The following MRPS23 variants were observed in gnomAD, a reference collection of about 807,000 sequenced individuals.
The protein encoded by MRPS23 is mitochondrial ribosomal protein S23.
Under a neutral mutation model 19.8 loss-of-function variants are expected in MRPS23, and 14 were observed. The observed-to-expected ratio is 0.71, with a 90% confidence interval of 0.47 to 1.11. The LOEUF (loss-of-function observed/expected upper bound fraction) is 1.11, where lower values mean the gene tolerates loss of function less well. Among genes scored for constraint, MRPS23 ranks in the 50% least tolerant of loss-of-function variants. The pLI is 0.00. For missense variants in MRPS23, 242 were observed against 236.7 expected (o/e 1.02, Z -0.15); for synonymous variants, 113 against 89.7 (o/e 1.26, Z -1.47).
chr17:57,844,044 A>G, intron 2 of MRPS23, among the ~76,000 whole-genome samples: 1 of 151,196 alleles, frequency 6.6e-6, no homozygotes, highest in Non-Finnish European at 1.5e-5. Flanking sequence ...TTCTTCCAGT[A>G]CTGTTATGAT....
rs572376274 is a variant in MRPS23 at position 57,844,848 on chromosome 17, C to A, written c.216-3588G>T. ...TATTCCACATTCTCCAATCATTTATCATCCAGTCCAAATCTACAGCAGAAG... is the reference window on the plus strand; with the variant it reads ...TATTCCACATTCTCCAATCATTTATAATCCAGTCCAAATCTACAGCAGAAG... On this transcript the variant is annotated intron_variant, in intron 2 of 4. Transcript: ENST00000313608. Among the ~76,000 whole-genome samples the A allele has an allele frequency of 5.9e-5, 9 of 151,350 alleles. No individual in the cohort carries two copies. In the South Asian group the frequency reaches 1.9e-3, roughly 31 times the overall value.
At position 57,849,353 on chromosome 17, in the gene MRPS23, T is replaced by C. The variant is rs1597955126; in HGVS notation, c.102A>G (p.Val34=). ...VLKEKPLWFD[V]YDAFPPLREP... ...CCCTCAGCGGGGGAAAGGCGTCATA[T>C]ACGTCAAACCACAGGGGCTTCTCCT... Residue 34 remains valine, a synonymous_variant, in exon 2 of 5, where the codon GTA becomes GTG. Coordinates refer to ENST00000313608, the MANE Select transcript of MRPS23 (RefSeq NM_016070.4). 3 of 1,614,204 alleles carry C rather than the reference T, an allele frequency of 1.9e-6. No individual in the cohort carries two copies. The highest frequency in any genetic ancestry group is 1.3e-5 in the African/African-American group (1 of 75,058).
rs1427742702 is a variant in MRPS23 at position 57,838,033 on chromosome 17, A to T, written c.*1750T>A. 2 of 151,962 alleles carry T rather than the reference A, an allele frequency of 1.3e-5. No individual in the cohort carries two copies. The highest frequency in any genetic ancestry group is 4.8e-5 in the African/African-American group (2 of 41,358). The allele number at this position is 151,962 out of a possible 1,614,324, so 9.4% of individuals were successfully genotyped here. ...GCCAGGCATGGTGGCTAACACCCGT[A>T]ATCCCAGCATTTTGGGAGGTTGAGA... On this transcript the variant is annotated 3_prime_UTR_variant, in exon 5 of 5. Transcript: ENST00000313608.
chr17:57,849,707 C>T (rs2073799619), intron 1 of MRPS23: 1 of 600,406 alleles, frequency 1.7e-6, no homozygotes, highest in Admixed American at 3.0e-5. Context: ...GCTCTTCCTC[C>T]CTTCCTCTTC....
In MRPS23 at chr17:57,838,162, CACCT is replaced by C. The variant is rs1190277876; in HGVS notation, c.*1617_*1620del. 1.3e-5 allele frequency: 2 copies of C among 151,126 alleles called. No individual in the cohort carries two copies. Among genetic ancestry groups the C allele is most frequent in the African/African-American group, 4.9e-5 (2 of 41,122 alleles). 9.4% of individuals were successfully genotyped at this position (151,126 alleles called of 1,614,324 possible). A position where few individuals can be genotyped will look rare whatever the true frequency, so the allele number is the denominator to read the frequency against. ...AAAATTAGCCGGGCGTCATAGCATA[CACCT>C]GTAATCCCAGCTACTTGGGAGGCTG... is the stretch of plus-strand genomic sequence containing the variant. On this transcript the variant is annotated 3_prime_UTR_variant, in exon 5 of 5. Transcript: ENST00000313608.
chr17:57,841,383 C>G (rs1157222632), intron 2 of MRPS23, 123 bp from the exon 3 acceptor site: 2 of 945,648 alleles, frequency 2.1e-6, no homozygotes, highest in Non-Finnish European at 1.6e-6. Flanking sequence ...CCCACATAGC[C>G]TAAGCTGAAC....
chr17:57,850,037 T>C lies in MRPS23; in HGVS notation c.-27A>G. ...ATCTGCGCCTGGTACCGAGCGTGACTAGCTGCTACCGGAACCGGAAGCGGC... is the reference window on the plus strand; with the variant it reads ...ATCTGCGCCTGGTACCGAGCGTGACCAGCTGCTACCGGAACCGGAAGCGGC... On this transcript the variant is annotated 5_prime_UTR_variant, in exon 1 of 5. Coordinates refer to ENST00000313608, the MANE Select transcript of MRPS23 (RefSeq NM_016070.4). 6 of 1,583,518 alleles carry C rather than the reference T, an allele frequency of 3.8e-6. No homozygotes were observed. Among genetic ancestry groups the C allele is most frequent in the Middle Eastern group, 1.7e-4 (1 of 6,034 alleles).
At position 57,838,055 on chromosome 17, in the gene MRPS23, G is replaced by A. The variant is rs1030973002; in HGVS notation, c.*1728C>T. On this transcript the variant is annotated 3_prime_UTR_variant, in exon 5 of 5. Coordinates refer to ENST00000313608, the MANE Select transcript of MRPS23 (RefSeq NM_016070.4). ...CGTAATCCCAGCATTTTGGGAGGTTGAGATGGGTGGATCACTTGAGGCCAG... is the reference window on the plus strand; with the variant it reads ...CGTAATCCCAGCATTTTGGGAGGTTAAGATGGGTGGATCACTTGAGGCCAG... The A allele has an allele frequency of 2.0e-5, 3 of 151,630 alleles. No homozygotes were observed. The highest frequency in any genetic ancestry group is 4.4e-5 in the Non-Finnish European group (3 of 67,960). 9.4% of individuals were successfully genotyped at this position (151,630 alleles called of 1,614,324 possible).
intron 2 of MRPS23, among the ~76,000 whole-genome samples, chr17:57,845,375 G>A (rs576020093): frequency 2.0e-5 from 3 of 152,266 alleles, no homozygotes; most frequent in South Asian, 2.1e-4. Context: ...CGGGGTGAAA[G>A]CCTGGGCCCC....
chr17:57,842,788 T>A (rs1555653236), intron 2 of MRPS23, among the ~76,000 whole-genome samples: 4 of 150,654 alleles, frequency 2.7e-5, no homozygotes. Flanking sequence ...CTTGGGAAGC[T>A]GAGGCATGAG....
Position 57,841,272 on chromosome 17 carries a change from A to C in MRPS23, c.216-12T>G, listed in dbSNP as rs1170328664. 6.2e-7 allele frequency: 1 copy of C among 1,609,592 alleles called. No individual in the cohort carries two copies. The highest frequency in any genetic ancestry group is 2.2e-5 in the East Asian group (1 of 44,864). On this transcript the variant is annotated splice_polypyrimidine_tract_variant and intron_variant, in intron 2 of 4. Coordinates refer to ENST00000313608, the MANE Select transcript of MRPS23 (RefSeq NM_016070.4). ...CTGAATAAAACTTCCTAGAAAATGC[A>C]AACAACATAATATAAATCTCCGATT... is the stretch of plus-strand genomic sequence containing the variant.
chr17:57,849,492 A>G, intron 1 of MRPS23, 82 bp from the exon 2 acceptor site: 4 of 1,509,058 alleles, frequency 2.7e-6, no homozygotes, highest in Non-Finnish European at 3.6e-6. Flanking sequence ...AGTTTGGGAC[A>G]TTAAAGGTAT....
intron 1 of MRPS23, 81 bp from the exon 2 acceptor site, chr17:57,849,491 C>T: frequency 6.6e-7 from 1 of 1,523,778 alleles, no homozygotes; most frequent in Non-Finnish European, 8.9e-7. Flanking sequence ...CAGTTTGGGA[C>T]ATTAAAGGTA....
rs1597950431 is a variant in MRPS23, at chr17:57,838,053, T to C, written c.*1730A>G. 7.0e-6 allele frequency: 1 copy of C among 142,522 alleles called. No homozygotes were observed. The highest frequency in any genetic ancestry group is 2.2e-4 in the South Asian group (1 of 4,530). The allele number at this position is 142,522 out of a possible 1,614,324, so 8.8% of individuals were successfully genotyped here. A position where few individuals can be genotyped will look rare whatever the true frequency, so the allele number is the denominator to read the frequency against. ...CCCGTAATCCCAGCATTTTGGGAGGTTGAGATGGGTGGATCACTTGAGGCC... is the reference window on the plus strand; with the variant it reads ...CCCGTAATCCCAGCATTTTGGGAGGCTGAGATGGGTGGATCACTTGAGGCC... On this transcript the variant is annotated 3_prime_UTR_variant, in exon 5 of 5. Coordinates refer to ENST00000313608, the MANE Select transcript of MRPS23 (RefSeq NM_016070.4).
intron 2 of MRPS23, 121 bp from the exon 3 acceptor site, chr17:57,841,381 G>T: frequency 1.0e-6 from 1 of 977,366 alleles, no homozygotes. Flanking sequence ...AACCCACATA[G>T]CCTAAGCTGA....
intron 2 of MRPS23, among the ~76,000 whole-genome samples, chr17:57,842,887 TATATACACACACACACACAC>T (rs1171888355): frequency 0.026 from 2,571 of 97,518 alleles, 51 homozygotes; most frequent in Middle Eastern, 0.084. Flanking sequence ...AAAATATATA[TATATACACACACACACACAC>T]ACACACACAC....
chr17:57,847,218 G>A (rs918876424), intron 2 of MRPS23, among the ~76,000 whole-genome samples: 2 of 151,606 alleles, frequency 1.3e-5, no homozygotes, highest in African/African-American at 4.8e-5. Context: ...GCTTGAACCC[G>A]GGAGGTGGAG....
chr17:57,846,619 A>C (rs1307944040), intron 2 of MRPS23, among the ~76,000 whole-genome samples: 2 of 152,180 alleles, frequency 1.3e-5, no homozygotes, highest in Non-Finnish European at 2.9e-5. Context: ...CCTTACCCCC[A>C]ACCCCCTGCT....
At chr17:57,843,073 A>T (rs1198485977) in intron 2 of MRPS23, among the ~76,000 whole-genome samples, 4 of 151,914 alleles carry the variant, frequency 2.6e-5, no homozygotes. Context: ...CCAGGAGTTC[A>T]AGACCAGCCT....
Sources: gnomAD v4.1 joint callset for allele counts (sites outside exome capture counted in the v4.1 genomes callset) on GRCh38, gnomAD v4.1.1 for gene constraint, MANE v1.5 for transcripts, NCBI Gene and HGNC (gene_info 2026-07-23, HGNC 2026-07-21) for gene names.